ZBTB20: variants seen among roughly 807,000 people sequenced by gnomAD.
ZBTB20 encodes the protein zinc finger and BTB domain containing 20.
ZBTB20 carries 9 observed loss-of-function variants against 56.9 expected under a neutral mutation model. The observed-to-expected ratio is 0.16, with a 90% CI of 0.10 to 0.28. The LOEUF (loss-of-function observed/expected upper bound fraction) is 0.28, where lower values mean the gene tolerates loss of function less well. Among genes scored for constraint, ZBTB20 ranks in the 10% least tolerant of loss-of-function variants. ZBTB20 has a pLI of 1.00. For missense variants in ZBTB20, 655 were observed against 1,003.0 expected (o/e 0.65, Z 4.69); for synonymous variants, 417 against 420.7 (o/e 0.99, Z 0.11).
At chr3:114,397,575 C>T (rs2086442234) in intron 7 of ZBTB20, among the ~76,000 whole-genome samples, 1 of 145,582 alleles carries the variant, frequency 6.9e-6, no homozygotes, top group African/African-American at 2.5e-5. Flanking sequence ...CACCACATAC[C>T]TTTTTTTTTT....
At chr3:114,349,542 C>T (rs545251127) in intron 11 of ZBTB20, among the ~76,000 whole-genome samples, 2 of 152,264 alleles carry the variant, frequency 1.3e-5, no homozygotes, top group Non-Finnish European at 2.9e-5. Context: ...GAAACTCACT[C>T]CATTTAAAGG....
At chr3:114,780,164 G>T (rs1051213889) in intron 5 of ZBTB20, among the ~76,000 whole-genome samples, 5 of 152,072 alleles carry the variant, frequency 3.3e-5, no homozygotes, top group Non-Finnish European at 7.4e-5. Context: ...TAATAAAATG[G>T]TATCTCCATC....
At chr3:114,655,249 T>C (rs2060339076) in intron 6 of ZBTB20, among the ~76,000 whole-genome samples, 1 of 131,552 alleles carries the variant, frequency 7.6e-6, no homozygotes, top group Admixed American at 7.5e-5. Flanking sequence ...TTCCTTTTTT[T>C]TTTTTTTTTT....
chr3:114,751,079 C>T (rs1167376677), intron 5 of ZBTB20, among the ~76,000 whole-genome samples: 4 of 152,038 alleles, frequency 2.6e-5, no homozygotes. Context: ...TACCAAGTTC[C>T]TACTGTGTGT....
chr3:114,990,200 T>C (rs1027728571), intron 2 of ZBTB20, among the ~76,000 whole-genome samples: 1 of 152,154 alleles, frequency 6.6e-6, no homozygotes, highest in African/African-American at 2.4e-5. Flanking sequence ...AGGGAATGCT[T>C]CCAGTTTTTG....
At chr3:114,497,013 AAG>A (rs1353958962) in intron 7 of ZBTB20, among the ~76,000 whole-genome samples, 2 of 152,198 alleles carry the variant, frequency 1.3e-5, no homozygotes, top group East Asian at 3.9e-4. Flanking sequence ...GTCTTTGCTG[AAG>A]ATCCCATAAG....
chr3:114,578,358 T>A (rs1057024429), intron 6 of ZBTB20, among the ~76,000 whole-genome samples: 40 of 152,056 alleles, frequency 2.6e-4, no homozygotes, highest in Middle Eastern at 6.9e-3. Context: ...GTTTATCTTA[T>A]AAGAATTCCA....
intron 4 of ZBTB20, among the ~76,000 whole-genome samples, chr3:114,850,313 A>C (rs767917792): frequency 9.9e-5 from 15 of 152,198 alleles, no homozygotes; most frequent in African/African-American, 3.6e-4. Flanking sequence ...TTGATATTTC[A>C]GCCACGACCA....
At chr3:115,094,230 C>T (rs2083298788) in intron 1 of ZBTB20, among the ~76,000 whole-genome samples, 1 of 151,734 alleles carries the variant, frequency 6.6e-6, no homozygotes, top group South Asian at 2.1e-4. Flanking sequence ...GTACAAGTAA[C>T]CAAGAAGTGG....
intron 5 of ZBTB20, among the ~76,000 whole-genome samples, chr3:114,792,813 T>C (rs2071060101): frequency 6.6e-6 from 1 of 152,132 alleles, no homozygotes; most frequent in Non-Finnish European, 1.5e-5. Flanking sequence ...CACTGGTCTT[T>C]AGAAAACAGT....
At chr3:114,506,819 T>C (rs1316788888) in intron 6 of ZBTB20, among the ~76,000 whole-genome samples, 1 of 152,162 alleles carries the variant, frequency 6.6e-6, no homozygotes, top group Non-Finnish European at 1.5e-5. Flanking sequence ...CTACTTTTAA[T>C]AAAAAATTTT....
intron 6 of ZBTB20, among the ~76,000 whole-genome samples, chr3:114,632,793 A>T (rs541039893): frequency 6.6e-6 from 1 of 152,328 alleles, no homozygotes; most frequent in East Asian, 1.9e-4. Context: ...TCAGGTAATA[A>T]GACTTAAGAA....
chr3:114,931,604 C>T (rs1193484848), intron 3 of ZBTB20, among the ~76,000 whole-genome samples: 1 of 152,168 alleles, frequency 6.6e-6, no homozygotes, highest in African/African-American at 2.4e-5. Flanking sequence ...ACCAGAACTA[C>T]CTGCATTATC....
At chr3:114,892,645 T>C (rs934656327) in intron 4 of ZBTB20, among the ~76,000 whole-genome samples, 2 of 63,232 alleles carry the variant, frequency 3.2e-5, no homozygotes, top group Non-Finnish European at 8.2e-5. Flanking sequence ...TCTCTCACTC[T>C]AGTGAGTTGC....
chr3:114,458,096 T>C (rs2092128140), intron 7 of ZBTB20, among the ~76,000 whole-genome samples: 1 of 152,090 alleles, frequency 6.6e-6, no homozygotes, highest in African/African-American at 2.4e-5. Flanking sequence ...GTGCTGAAAA[T>C]GGATGAAGGG....
chr3:114,489,370 T>G (rs1445124589), intron 7 of ZBTB20, among the ~76,000 whole-genome samples: 1 of 152,200 alleles, frequency 6.6e-6, no homozygotes, highest in Non-Finnish European at 1.5e-5. Context: ...CCTTAAAGAA[T>G]TTTAAAATAT....
chr3:114,360,401 T>C (rs768704073), intron 10 of ZBTB20, among the ~76,000 whole-genome samples: 16 of 150,022 alleles, frequency 1.1e-4, no homozygotes, highest in South Asian at 6.4e-4. Context: ...TGGAGTGCAG[T>C]GGCGCGATCT....
chr3:114,559,631 C>T (rs532844482), intron 6 of ZBTB20, among the ~76,000 whole-genome samples: 1 of 152,252 alleles, frequency 6.6e-6, no homozygotes, highest in East Asian at 1.9e-4. Flanking sequence ...TAAGCAATAC[C>T]ATTCTGAAAC....
At chr3:115,127,550 T>C (rs1027724423) in intron 1 of ZBTB20, among the ~76,000 whole-genome samples, 14 of 152,208 alleles carry the variant, frequency 9.2e-5, no homozygotes, top group African/African-American at 2.6e-4. Flanking sequence ...GCTGAGATCA[T>C]GCCATGCACT....
Sources: gnomAD v4.1 joint callset for allele counts (sites outside exome capture counted in the v4.1 genomes callset) on GRCh38, gnomAD v4.1.1 for gene constraint, MANE v1.5 for transcripts, NCBI Gene and HGNC (gene_info 2026-07-23, HGNC 2026-07-21) for gene names.